YPEL2: variants seen among roughly 807,000 people sequenced by gnomAD.
YPEL2 encodes yippee like 2.
YPEL2 carries 2 observed loss-of-function variants against 19.1 expected under a neutral mutation model. That is an observed-to-expected ratio of 0.10 (90% CI 0.04 to 0.33). The LOEUF is 0.33. YPEL2 is among the 10% of genes least tolerant of loss of function. The pLI is 1.00. For missense variants in YPEL2, 66 were observed against 140.7 expected (o/e 0.47, Z 2.68); for synonymous variants, 52 against 50.0 (o/e 1.04, Z -0.17).
intron 2 of YPEL2, among the ~76,000 whole-genome samples, chr17:59,358,110 A>G (rs1026165447): frequency 6.6e-6 from 1 of 152,148 alleles, no homozygotes; most frequent in Non-Finnish European, 1.5e-5. Flanking sequence ...CAGTGATCAG[A>G]ATGAGATCAC....
At chr17:59,393,912 T>A (rs548728382) in intron 4 of YPEL2, among the ~76,000 whole-genome samples, 1 of 152,342 alleles carries the variant, frequency 6.6e-6, no homozygotes, top group East Asian at 1.9e-4. Flanking sequence ...CATGTCTACT[T>A]CTTTCTACAC....
chr17:59,374,817 G>A (rs998680245), intron 2 of YPEL2, among the ~76,000 whole-genome samples: 1 of 152,184 alleles, frequency 6.6e-6, no homozygotes, highest in Middle Eastern at 3.2e-3. Flanking sequence ...CCAAGAGTAC[G>A]TGGCAGAGGA....
intron 4 of YPEL2, among the ~76,000 whole-genome samples, chr17:59,390,744 G>A (rs1270492122): frequency 6.6e-6 from 1 of 152,156 alleles, no homozygotes; most frequent in Non-Finnish European, 1.5e-5. Context: ...CCTAACATGC[G>A]CTGGGGTCAC....
chr17:59,392,939 C>T (rs951936316), intron 4 of YPEL2, among the ~76,000 whole-genome samples: 5 of 152,280 alleles, frequency 3.3e-5, no homozygotes, highest in Non-Finnish European at 7.4e-5. Context: ...TGTGAGCCAC[C>T]GCACCTGGCC....
intron 1 of YPEL2, among the ~76,000 whole-genome samples, chr17:59,336,024 T>C (rs2047697074): frequency 6.6e-6 from 1 of 152,214 alleles, no homozygotes; most frequent in East Asian, 1.9e-4. Flanking sequence ...ATCTACCTGT[T>C]TGCCGACACG....
At chr17:59,397,073 A>T (rs187856753) in intron 4 of YPEL2, 28 bp from the exon 5 acceptor site, 194 of 1,560,332 alleles carry the variant, frequency 1.2e-4, no homozygotes, top group Middle Eastern at 1.7e-4. Flanking sequence ...GTCGTTCAGT[A>T]TCTCTTCTCT....
chr17:59,397,842 G>A lies in YPEL2; in HGVS notation c.*652G>A, dbSNP rs1423986140. 1 of 152,526 alleles carries A rather than the reference G, an allele frequency of 6.6e-6. No individual in the cohort carries two copies. The highest frequency in any genetic ancestry group is 1.5e-5 in the Non-Finnish European group (1 of 68,242). The allele number at this position is 152,526 out of a possible 1,614,324, so 9.4% of individuals were successfully genotyped here. On this transcript the variant is annotated 3_prime_UTR_variant, in exon 5 of 5. Transcript: ENST00000312655. ...CAAGGGCCTGGTTCTCCTGGGCTGA[G>A]TGGGGGAGTGTCCTGGCAGCAGCGA...
chr17:59,371,257 G>C (rs769379222), intron 2 of YPEL2, among the ~76,000 whole-genome samples: 1 of 152,242 alleles, frequency 6.6e-6, no homozygotes, highest in Non-Finnish European at 1.5e-5. Context: ...GAAGGGGGAA[G>C]GTCGGAGGTG....
chr17:59,352,204 T>C (rs1306309138), intron 1 of YPEL2, among the ~76,000 whole-genome samples: 1 of 152,190 alleles, frequency 6.6e-6, no homozygotes, highest in East Asian at 1.9e-4. Flanking sequence ...CCTGCTCTCC[T>C]GGGAGGTAGG....
Position 59,397,249 on chromosome 17 carries a change from C to T in YPEL2, c.*59C>T. On this transcript the variant is annotated 3_prime_UTR_variant, in exon 5 of 5. Transcript: ENST00000312655. ...GAACGCCATTCAACCGAACATTCTT[C>T]CCAAGCGTGAGAGAGTGACTGACAC... The T allele has an allele frequency of 7.2e-7, 1 of 1,381,470 alleles. No individual in the cohort carries two copies. Among genetic ancestry groups the T allele is most frequent in the South Asian group, 1.4e-5 (1 of 71,712 alleles). 85.6% of individuals were successfully genotyped at this position (1,381,470 alleles called of 1,614,324 possible). A position where few individuals can be genotyped will look rare whatever the true frequency, so the allele number is the denominator to read the frequency against.
chr17:59,392,958 A>G (rs1009395575), intron 4 of YPEL2, among the ~76,000 whole-genome samples: 6 of 151,838 alleles, frequency 4.0e-5, no homozygotes, highest in African/African-American at 1.5e-4. Flanking sequence ...CCCTCCTTTC[A>G]TTCCATTGTT....
chr17:59,364,367 CG>C (rs1160523936), intron 2 of YPEL2, among the ~76,000 whole-genome samples: 1 of 152,166 alleles, frequency 6.6e-6, no homozygotes, highest in Non-Finnish European at 1.5e-5. Flanking sequence ...CAGTGTCAAG[CG>C]CTGTGATCTT....
intron 1 of YPEL2, among the ~76,000 whole-genome samples, chr17:59,342,686 G>A (rs530288778): frequency 1.3e-5 from 2 of 152,162 alleles, no homozygotes; most frequent in African/African-American, 4.8e-5. Flanking sequence ...GTTGAAGGGC[G>A]GCAGTCTCTT....
At chr17:59,359,813 A>G (rs1469871428) in intron 2 of YPEL2, among the ~76,000 whole-genome samples, 1 of 152,240 alleles carries the variant, frequency 6.6e-6, no homozygotes, top group African/African-American at 2.4e-5. Flanking sequence ...AGTGGTACTA[A>G]GAAACAGAAG....
chr17:59,370,661 G>T (rs9913367), intron 2 of YPEL2, among the ~76,000 whole-genome samples: 2 of 151,844 alleles, frequency 1.3e-5, no homozygotes, highest in African/African-American at 4.8e-5. Context: ...GTCTTACACT[G>T]GGACCAAACA....
chr17:59,354,877 A>G (rs901768599), intron 2 of YPEL2: 6 of 151,984 alleles, frequency 3.9e-5, no homozygotes, highest in Admixed American at 2.6e-4. Context: ...TGGAAGTTTG[A>G]ATGTGTGGAG....
chr17:59,387,209 A>G (rs2047984653), intron 2 of YPEL2, among the ~76,000 whole-genome samples: 1 of 147,910 alleles, frequency 6.8e-6, no homozygotes, highest in Admixed American at 6.9e-5. Flanking sequence ...CAGTGAGCCA[A>G]GATCGCGCAA....
intron 1 of YPEL2, among the ~76,000 whole-genome samples, chr17:59,343,977 C>T (rs531860828): frequency 1.2e-4 from 18 of 152,102 alleles, no homozygotes; most frequent in Non-Finnish European, 1.2e-4. Flanking sequence ...GGAAGCAGAA[C>T]CAACTGTCTA....
At chr17:59,390,000 T>C (rs1486286470) in intron 4 of YPEL2, among the ~76,000 whole-genome samples, 1 of 152,112 alleles carries the variant, frequency 6.6e-6, no homozygotes, top group African/African-American at 2.4e-5. Context: ...GGCAAATTTA[T>C]TTTATTTTAT....
Sources: allele counts gnomAD v4.1 joint callset (sites outside exome capture counted in the v4.1 genomes callset), GRCh38; gene constraint gnomAD v4.1.1; transcripts MANE v1.5; gene names NCBI Gene and HGNC (gene_info 2026-07-23, HGNC 2026-07-21).